NEDD4: variants seen among roughly 807,000 people sequenced by gnomAD.
The protein encoded by NEDD4 is E3 ubiquitin-protein ligase NEDD4.
A neutral mutation model predicts 144.9 loss-of-function variants in NEDD4; 99 were observed. The observed-to-expected ratio is 0.68, with a 90% CI of 0.58 to 0.81. The LOEUF (loss-of-function observed/expected upper bound fraction) is 0.81, where lower values mean the gene tolerates loss of function less well. Among genes scored for constraint, NEDD4 ranks in the 30% least tolerant of loss-of-function variants. NEDD4 has a pLI of 0.00. For synonymous variants in NEDD4, 318 were observed against 350.6 expected, an observed-to-expected ratio of 0.91 and a Z score of 1.04; for missense variants, 985 against 1,065.9, an observed-to-expected ratio of 0.92 and a Z score of 1.06.
intron 12 of NEDD4, among the ~76,000 whole-genome samples, chr15:55,855,589 C>A (rs1024194734): frequency 2.0e-5 from 3 of 152,192 alleles, no homozygotes; most frequent in Non-Finnish European, 4.4e-5. Context: ...GGTTAAGGTC[C>A]AAGCTGCCAT....
In NEDD4 at chr15:55,862,912, C is replaced by T. The variant is rs1268940071; in HGVS notation, c.674+1G>A. The T allele has an allele frequency of 1.9e-6, 3 of 1,595,548 alleles. No individual in the cohort carries two copies. Among genetic ancestry groups the T allele is most frequent in the Non-Finnish European group, 2.6e-6 (3 of 1,169,220 alleles). On this transcript the variant is annotated splice_donor_variant, in intron 9 of 28. Transcript: ENST00000435532. LOFTEE classifies it high-confidence loss of function. ...AAATTGTGAAAGCCATCAGCACATACTGAGGGGTTGGTCTTTTCCACTGTG... is the reference window on the plus strand; with the variant it reads ...AAATTGTGAAAGCCATCAGCACATATTGAGGGGTTGGTCTTTTCCACTGTG...
At chr15:55,974,922 T>TCTTG (rs776819207) in intron 1 of NEDD4, among the ~76,000 whole-genome samples, 192 of 136,598 alleles carry the variant, frequency 1.4e-3, no homozygotes, top group Non-Finnish European at 2.4e-3. Context: ...TGAGATGGAG[T>TCTTG]CTTGCTGTCA....
At chr15:55,968,670 T>C (rs2037557489) in intron 1 of NEDD4, among the ~76,000 whole-genome samples, 2 of 152,188 alleles carry the variant, frequency 1.3e-5, no homozygotes. Flanking sequence ...GAGTTCTAAA[T>C]GCACTGTTGG....
At chr15:55,893,683 C>A (rs2035644440) in intron 5 of NEDD4, among the ~76,000 whole-genome samples, 1 of 150,308 alleles carries the variant, frequency 6.7e-6, no homozygotes. Context: ...ATGAATAGAC[C>A]TTTTATAGTA....
intron 27 of NEDD4, 48 bp downstream of exon 27, chr15:55,832,960 A>T: frequency 8.0e-7 from 1 of 1,255,628 alleles, no homozygotes; most frequent in Non-Finnish European, 1.2e-6. Context: ...CATGAAAAAG[A>T]CAATACGCAT....
chr15:55,967,331 G>A (rs1247234074), intron 1 of NEDD4, among the ~76,000 whole-genome samples: 1 of 152,128 alleles, frequency 6.6e-6, no homozygotes, highest in Non-Finnish European at 1.5e-5. Context: ...TTTATAAAGA[G>A]TGTCTTAGAT....
chr15:55,955,780 T>C (rs148084634), intron 2 of NEDD4, among the ~76,000 whole-genome samples: 2 of 151,960 alleles, frequency 1.3e-5, no homozygotes, highest in Admixed American at 6.6e-5. Flanking sequence ...CACCCCATCA[T>C]GACACTTAAA....
At chr15:55,926,814 G>GCCTGTA (rs1566955300) in intron 4 of NEDD4, among the ~76,000 whole-genome samples, 4 of 152,014 alleles carry the variant, frequency 2.6e-5, no homozygotes, top group African/African-American at 4.8e-5. Flanking sequence ...GGTGGCTCAC[G>GCCTGTA]CCTGTAATCC....
At chr15:55,857,028 T>G (rs1385172657) in intron 11 of NEDD4, among the ~76,000 whole-genome samples, 3 of 152,170 alleles carry the variant, frequency 2.0e-5, no homozygotes, top group African/African-American at 7.2e-5. Context: ...TAATGACTGT[T>G]TTAGTTGGTT....
At chr15:55,860,605 C>T (rs774898763) in intron 10 of NEDD4, 31 bp from the exon 11 acceptor site, 1 of 1,613,660 alleles carries the variant, frequency 6.2e-7, no homozygotes, top group South Asian at 1.1e-5. Flanking sequence ...TTGAGCCACA[C>T]ATACTTTATT....
chr15:55,935,316 C>T lies in NEDD4; in HGVS notation c.238-10617G>A, dbSNP rs72734320. ...CTTACTGCTCCACTGATGGGGTGTC[C>T]TGCCTTCTTCCTAGCTAAAAGAATT... On this transcript the variant is annotated intron_variant, in intron 4 of 28. Transcript: ENST00000435532. Among the ~76,000 whole-genome samples, 723 of 152,224 alleles carry T rather than the reference C, an allele frequency of 4.7e-3. 3 individuals carry two copies. The highest frequency in any genetic ancestry group is 7.8e-3 in the Admixed American group (120 of 15,288).
chr15:55,863,065 A>T lies in NEDD4; in HGVS notation c.522T>A (p.Val174=). The change falls in exon 9 of 29, where the codon GTT becomes GTA. Residue 174 remains valine (V), a synonymous_variant. Coordinates refer to ENST00000435532, the MANE Select transcript of NEDD4 (RefSeq NM_006154.4). ...GGCAAGCAGCATCTGGTTGGTCCAA[A>T]ACAACCCAGCCAGGCTGAAAAACAG... ...QAEELEPGWV[V]LDQPDAACHL... is the part of the protein sequence containing the mutation. 6.3e-7 allele frequency: 1 copy of T among 1,587,138 alleles called. No homozygotes were observed. The highest frequency in any genetic ancestry group is 8.6e-7 in the Non-Finnish European group (1 of 1,161,986).
intron 1 of NEDD4, among the ~76,000 whole-genome samples, chr15:55,985,605 A>T (rs1458164890): frequency 2.6e-5 from 4 of 152,230 alleles, no homozygotes; most frequent in Admixed American, 6.5e-5. Flanking sequence ...TCACTGTTAG[A>T]AAAGGTACTT....
In NEDD4 at chr15:55,892,063, T is replaced by C. The variant is rs547800229; in HGVS notation, c.292-18055A>G. ...GGTGGATCACCTGAGGTCAGGAGTT[T>C]GAGACCAGCCTGGTCAAAACGGCCA... is the stretch of plus-strand genomic sequence containing the variant. On this transcript the variant is annotated intron_variant, in intron 5 of 28. Coordinates refer to ENST00000435532, the MANE Select transcript of NEDD4 (RefSeq NM_006154.4). 1.2e-3 allele frequency among the ~76,000 whole-genome samples: 185 copies of C among 152,020 alleles called. 2 individuals are homozygous for C. The highest frequency in any genetic ancestry group is 4.3e-3 in the African/African-American group (178 of 41,468).
chr15:55,921,807 G>A (rs1437306753), intron 5 of NEDD4, among the ~76,000 whole-genome samples: 1 of 152,078 alleles, frequency 6.6e-6, no homozygotes, highest in Non-Finnish European at 1.5e-5. Context: ...AATGCTTAAG[G>A]AATGTTAATT....
rs563916794 is a variant in NEDD4, at chr15:55,988,905, T to C, written c.45+4606A>G. On this transcript the variant is annotated intron_variant, in intron 1 of 28. Transcript: ENST00000435532. ...TGTATGAGAAGAATACTGGAGCTCT[T>C]TGTGTTGTACTTTCAACTTTTCTGA... Among the ~76,000 whole-genome samples the C allele has an allele frequency of 1.5e-3, 233 of 152,274 alleles. 2 individuals carry two copies. Among genetic ancestry groups the C allele is most frequent in the African/African-American group, 5.4e-3 (225 of 41,552 alleles).
chr15:55,840,772 A>C, intron 19 of NEDD4, 45 bp from the exon 20 acceptor site: 2 of 1,552,558 alleles, frequency 1.3e-6, no homozygotes, highest in Non-Finnish European at 8.8e-7. Context: ...AAAAACTTTA[A>C]TATGACAAAT....
chr15:55,992,544 T>A (rs1421257366), intron 1 of NEDD4, among the ~76,000 whole-genome samples: 1 of 152,208 alleles, frequency 6.6e-6, no homozygotes, highest in Admixed American at 6.5e-5. Flanking sequence ...TGTGGCAGCT[T>A]AGTCAGCCAA....
chr15:55,875,043 A>G (rs2034943750), intron 5 of NEDD4, among the ~76,000 whole-genome samples: 1 of 152,156 alleles, frequency 6.6e-6, no homozygotes, highest in South Asian at 2.1e-4. Context: ...TCTATTAGTT[A>G]CTATATTCAT....
Sources: allele counts gnomAD v4.1 joint callset (sites outside exome capture counted in the v4.1 genomes callset), GRCh38; gene constraint gnomAD v4.1.1; transcripts MANE v1.5; gene names NCBI Gene and HGNC (gene_info 2026-07-23, HGNC 2026-07-21).